Variants in ZWILCH observed in about 807,000 individuals in gnomAD.
The protein encoded by ZWILCH is protein zwilch homolog.
A neutral mutation model predicts 79.9 loss-of-function variants in ZWILCH; 74 were observed. That is an observed-to-expected ratio of 0.93 (90% CI 0.77 to 1.12). ZWILCH has a LOEUF of 1.12. Ranked by LOEUF, ZWILCH falls within the 50% of genes most tolerant of loss-of-function variation. ZWILCH has a pLI of 0.00. For synonymous variants in ZWILCH, 241 were observed against 228.2 expected, an observed-to-expected ratio of 1.06 and a Z score of -0.51; for missense variants, 694 against 687.5, an observed-to-expected ratio of 1.01 and a Z score of -0.11.
At position 66,546,697 on chromosome 15, in the gene ZWILCH, C is replaced by T; in HGVS notation, c.*18C>T. ...TCAAGTGAAGTGTGCTGATGAAGTCCTCTATAAGGTATTTATGTTCACATT... is the reference window on the plus strand; with the variant it reads ...TCAAGTGAAGTGTGCTGATGAAGTCTTCTATAAGGTATTTATGTTCACATT... On this transcript the variant is annotated 3_prime_UTR_variant, in exon 18 of 19. Transcript: ENST00000307897. 1 of 1,559,788 alleles carries T rather than the reference C, an allele frequency of 6.4e-7. No individual in the cohort carries two copies. Among genetic ancestry groups the T allele is most frequent in the Non-Finnish European group, 8.7e-7 (1 of 1,143,972 alleles).
chr15:66,519,732 C>G (rs144824924), intron 5 of ZWILCH, among the ~76,000 whole-genome samples: 1,973 of 152,326 alleles, frequency 0.013, 35 homozygotes, highest in African/African-American at 0.045. Flanking sequence ...GATCCACCCC[C>G]CTCGGCCTCC....
intron 8 of ZWILCH, 39 bp from the exon 9 acceptor site, chr15:66,527,251 T>C (rs1228759142): frequency 7.0e-7 from 1 of 1,434,700 alleles, no homozygotes; most frequent in Non-Finnish European, 9.8e-7. Flanking sequence ...AACAGTGTTT[T>C]CTGCTAACAA....
intron 12 of ZWILCH, among the ~76,000 whole-genome samples, chr15:66,531,547 GC>G (rs1205933701): frequency 1.4e-4 from 21 of 151,916 alleles, no homozygotes; most frequent in African/African-American, 5.1e-4. Flanking sequence ...TGCAGCCTCT[GC>G]CTCCCAGGCT....
rs149067879 is a variant in ZWILCH at position 66,535,492 on chromosome 15, G to A, written c.1342-441G>A. Among the ~76,000 whole-genome samples the A allele has an allele frequency of 2.4e-3, 370 of 152,074 alleles. 3 individuals carry two copies. The highest frequency in any genetic ancestry group is 3.5e-3 in the Non-Finnish European group (240 of 67,982). On this transcript the variant is annotated intron_variant, in intron 14 of 18. Transcript: ENST00000307897. ...GGAGTTTGAGACCAGCCTGGGCAAC[G>A]TGGTGAATTCCTGTCTCTAATAAAA... is the stretch of plus-strand genomic sequence containing the variant.
intron 8 of ZWILCH, among the ~76,000 whole-genome samples, chr15:66,526,712 T>A (rs747483988): frequency 6.6e-6 from 1 of 152,144 alleles, no homozygotes; most frequent in Non-Finnish European, 1.5e-5. Flanking sequence ...TCCACCCATC[T>A]CGGCCTCCCA....
chr15:66,523,981 AT>A (rs142723518), intron 8 of ZWILCH, among the ~76,000 whole-genome samples: 1,964 of 152,054 alleles, frequency 0.013, 35 homozygotes, highest in African/African-American at 0.045. Flanking sequence ...GTGTTGTTTT[AT>A]TTTTTTAATT....
At chr15:66,517,463 T>C (rs1402921353) in intron 4 of ZWILCH, among the ~76,000 whole-genome samples, 1 of 141,388 alleles carries the variant, frequency 7.1e-6, no homozygotes, top group East Asian at 2.0e-4. Flanking sequence ...TATAGTAATG[T>C]ACACACATAC....
At chr15:66,506,361 G>C (rs1184816339) in intron 1 of ZWILCH, among the ~76,000 whole-genome samples, 2 of 152,098 alleles carry the variant, frequency 1.3e-5, no homozygotes, top group African/African-American at 4.8e-5. Flanking sequence ...TTCACTCTAT[G>C]GCTGTTTCAT....
Position 66,509,032 on chromosome 15 carries a change from C to T in ZWILCH, c.105+140C>T, listed in dbSNP as rs1348258917. The T allele has an allele frequency of 3.6e-5, 29 of 810,952 alleles. No individual in the cohort carries two copies. In the Middle Eastern group the frequency reaches 1.6e-3, roughly 45 times the overall value. The allele number at this position is 810,952 out of a possible 1,614,324, so 50.2% of individuals were successfully genotyped here. On this transcript the variant is annotated intron_variant, in intron 2 of 18. Coordinates refer to ENST00000307897, the MANE Select transcript of ZWILCH (RefSeq NM_017975.5). ...TCGGCTCACTGCAAGCTCCGGCTCC[C>T]GGGTTCACGCCATTCTCCTGCCTCA... is the stretch of plus-strand genomic sequence containing the variant.
intron 6 of ZWILCH, 98 bp downstream of exon 6, chr15:66,520,758 A>G (rs1201038873): frequency 1.3e-6 from 1 of 796,660 alleles, no homozygotes; most frequent in Non-Finnish European, 2.0e-6. Flanking sequence ...ATGACTAGAT[A>G]TTTTTCTGTA....
chr15:66,532,437 AC>A, intron 13 of ZWILCH, 34 bp downstream of exon 13: 1 of 1,565,586 alleles, frequency 6.4e-7, no homozygotes, highest in Non-Finnish European at 8.7e-7. Context: ...AAATTAAAAA[AC>A]ACATCACAGT....
chr15:66,540,291 C>T, intron 17 of ZWILCH, 81 bp downstream of exon 17: 1 of 1,170,094 alleles, frequency 8.5e-7, no homozygotes, highest in Non-Finnish European at 1.2e-6. Flanking sequence ...GCGGCTCACG[C>T]CTGTAATCCC....
At position 66,529,587 on chromosome 15, in the gene ZWILCH, T is replaced by C. The variant is rs370413718; in HGVS notation, c.1155+14T>C. ...ATACAGCCATGGGTAGGTTTAGTAG[T>C]GTGTGTCAGATCATTTTCTCAGCAG... On this transcript the variant is annotated intron_variant, in intron 12 of 18. Transcript: ENST00000307897. 13 of 1,595,270 alleles carry C rather than the reference T, an allele frequency of 8.1e-6. No individual in the cohort carries two copies. The highest frequency in any genetic ancestry group is 1.7e-5 in the Admixed American group (1 of 59,256).
intron 1 of ZWILCH, among the ~76,000 whole-genome samples, chr15:66,506,776 G>A (rs1330725234): frequency 6.6e-6 from 1 of 152,092 alleles, no homozygotes; most frequent in Non-Finnish European, 1.5e-5. Flanking sequence ...AGGAGTTGGA[G>A]GCCAGCCTGG....
intron 17 of ZWILCH, among the ~76,000 whole-genome samples, chr15:66,541,143 C>T (rs972538038): frequency 1.7e-4 from 26 of 151,066 alleles, no homozygotes; most frequent in African/African-American, 4.9e-4. Flanking sequence ...AAAAATTAGC[C>T]GGGTGTTGGT....
rs1201979222 is a variant in ZWILCH at position 66,521,193 on chromosome 15, A to T, written c.735A>T (p.Ser245=). The change falls in exon 7 of 19, where the codon TCA becomes TCT. Residue 245 remains serine, a synonymous_variant. Transcript: ENST00000307897. ...DEILQIPPLS[S]TATLNIKVES... is the part of the protein sequence containing the mutation. ...TTCTTCAAATCCCTCCACTCTCTTC[A>T]ACTGCAACTCTGGTAAGAGTGGGCC... 5.6e-6 allele frequency: 9 copies of T among 1,611,710 alleles called. No individual in the cohort carries two copies. The South Asian group carries it at 8.8e-5, about 16-fold the overall frequency.
chr15:66,540,717 C>G (rs2140806310), intron 17 of ZWILCH, among the ~76,000 whole-genome samples: 1 of 150,876 alleles, frequency 6.6e-6, no homozygotes, highest in South Asian at 2.1e-4. Flanking sequence ...CAGCCTCCGC[C>G]TCCTGGGTTC....
chr15:66,506,974 A>T (rs151303914), intron 1 of ZWILCH, among the ~76,000 whole-genome samples: 1,956 of 151,326 alleles, frequency 0.013, 35 homozygotes, highest in African/African-American at 0.045. Context: ...CTCCTGCCTC[A>T]GCCTCCCGAG....
intron 13 of ZWILCH, 60 bp from the exon 14 acceptor site, chr15:66,532,925 A>C (rs1483132345): frequency 8.9e-7 from 1 of 1,124,548 alleles, no homozygotes; most frequent in Non-Finnish European, 1.2e-6. Context: ...ATTAATTTCT[A>C]TTAATATGTA....
Sources: gnomAD v4.1 joint callset for allele counts (sites outside exome capture counted in the v4.1 genomes callset) on GRCh38, gnomAD v4.1.1 for gene constraint, MANE v1.5 for transcripts, NCBI Gene and HGNC (gene_info 2026-07-23, HGNC 2026-07-21) for gene names.